Variants in MGAT4C observed in about 807,000 individuals in gnomAD.
MGAT4C encodes MGAT4 family member C.
A neutral mutation model predicts 40.1 loss-of-function variants in MGAT4C; 19 were observed. The ratio of observed to expected loss-of-function variants is 0.47; its 90% CI spans 0.33 to 0.70. MGAT4C has a LOEUF of 0.70. Ranked by LOEUF, MGAT4C falls within the 30% of genes least tolerant of loss-of-function variation. The pLI is 0.02. For missense variants in MGAT4C, 491 were observed against 563.2 expected, an observed-to-expected ratio of 0.87 and a Z score of 1.30; for synonymous variants, 181 against 187.1, an observed-to-expected ratio of 0.97 and a Z score of 0.27.
rs114159120 is a variant in MGAT4C, at chr12:86,294,385, C to T, written c.-57+39680G>A. On this transcript the variant is annotated intron_variant, in intron 4 of 7. Coordinates refer to the MGAT4C transcript ENST00000548651. Reference sequence around the variant, plus strand: ...CTCCTTTTTTTTTTTAATCTAAATCCTTGCTTTTATCACTCTTCTTATTCC... The same window carrying T: ...CTCCTTTTTTTTTTTAATCTAAATCTTTGCTTTTATCACTCTTCTTATTCC... Among the ~76,000 whole-genome samples the T allele has an allele frequency of 9.1e-3, 1,375 of 150,862 alleles. 12 individuals are homozygous for T. Among genetic ancestry groups the T allele is most frequent in the African/African-American group, 0.032 (1,320 of 41,046 alleles).
chr12:85,981,057 G>T (rs1351466432), intron 4 of MGAT4C, among the ~76,000 whole-genome samples: 1 of 151,908 alleles, frequency 6.6e-6, no homozygotes, highest in African/African-American at 2.4e-5. Context: ...ATATTAATTA[G>T]AAAGCAAACA....
At chr12:86,196,742 A>G (rs1245291714) in intron 1 of MGAT4C, among the ~76,000 whole-genome samples, 3 of 152,190 alleles carry the variant, frequency 2.0e-5, no homozygotes, top group African/African-American at 7.2e-5. Flanking sequence ...CTCAGCAGAG[A>G]TGGCTGATTA....
intron 1 of MGAT4C, among the ~76,000 whole-genome samples, chr12:86,245,883 T>C (rs1002025303): frequency 2.0e-5 from 3 of 152,198 alleles, no homozygotes; most frequent in South Asian, 4.1e-4. Flanking sequence ...AAATCTATAA[T>C]CATCATAGAG....
At chr12:86,698,644 G>A (rs995919442) in intron 2 of MGAT4C, among the ~76,000 whole-genome samples, 1 of 151,978 alleles carries the variant, frequency 6.6e-6, no homozygotes, top group Non-Finnish European at 1.5e-5. Flanking sequence ...GCTGGAATAT[G>A]AAACTCATGT....
At chr12:86,662,147 T>G (rs1278290131) in intron 2 of MGAT4C, among the ~76,000 whole-genome samples, 1 of 152,104 alleles carries the variant, frequency 6.6e-6, no homozygotes, top group Non-Finnish European at 1.5e-5. Flanking sequence ...TACTAATACT[T>G]AGGCATTAAT....
chr12:86,208,697 G>A (rs1205602855), intron 1 of MGAT4C, among the ~76,000 whole-genome samples: 1 of 151,904 alleles, frequency 6.6e-6, no homozygotes, highest in Non-Finnish European at 1.5e-5. Context: ...ACTTTGCACA[G>A]TCCAATTTTT....
At chr12:86,378,387 G>A (rs73185476) in intron 3 of MGAT4C, among the ~76,000 whole-genome samples, 2,130 of 152,042 alleles carry the variant, frequency 0.014, 25 homozygotes, top group South Asian at 0.024. Flanking sequence ...GTGATTTTTC[G>A]TTTTTCCTTA....
intron 2 of MGAT4C, among the ~76,000 whole-genome samples, chr12:86,040,445 TC>T (rs1891689204): frequency 6.6e-6 from 1 of 152,154 alleles, no homozygotes; most frequent in African/African-American, 2.4e-5. Context: ...GAGGAGGGAA[TC>T]TGGAGAGGCA....
rs530219991 is a variant in MGAT4C, at chr12:86,100,569, T to C, written c.-56-50846A>G. 2.0e-5 allele frequency among the ~76,000 whole-genome samples: 3 copies of C among 151,682 alleles called. No homozygotes were observed. The East Asian group carries it at 5.8e-4, about 29-fold the overall frequency. On this transcript the variant is annotated intron_variant, in intron 1 of 4. Transcript: ENST00000611864. Reference sequence around the variant, plus strand: ...TGTTAATTAAAAAAATATAATGTTATGGAAATTACTTTGACATATACGATG... The same window carrying C: ...TGTTAATTAAAAAAATATAATGTTACGGAAATTACTTTGACATATACGATG...
chr12:86,336,420 G>T (rs1481478517), intron 3 of MGAT4C, among the ~76,000 whole-genome samples: 1 of 152,082 alleles, frequency 6.6e-6, no homozygotes, highest in Non-Finnish European at 1.5e-5. Context: ...CACATTCTCA[G>T]GTGTCTATTA....
At chr12:86,563,114 T>C (rs1360762015) in intron 2 of MGAT4C, among the ~76,000 whole-genome samples, 1 of 152,158 alleles carries the variant, frequency 6.6e-6, no homozygotes, top group African/African-American at 2.4e-5. Flanking sequence ...ACCAATACCT[T>C]GTGAAACAGA....
chr12:86,079,221 C>G (rs894086621), intron 1 of MGAT4C, among the ~76,000 whole-genome samples: 1 of 152,050 alleles, frequency 6.6e-6, no homozygotes, highest in Non-Finnish European at 1.5e-5. Flanking sequence ...AGATGTAGTA[C>G]TTAGTTAATA....
intron 2 of MGAT4C, among the ~76,000 whole-genome samples, chr12:86,025,938 A>G (rs1356073343): frequency 6.6e-6 from 1 of 151,744 alleles, no homozygotes; most frequent in African/African-American, 2.4e-5. Flanking sequence ...ATATACATAC[A>G]TATATGTTTT....
At chr12:86,761,473 G>T (rs755156360) in intron 1 of MGAT4C, among the ~76,000 whole-genome samples, 3 of 152,188 alleles carry the variant, frequency 2.0e-5, no homozygotes, top group Non-Finnish European at 2.9e-5. Context: ...AGGTATGGAT[G>T]TATTAATTTC....
At chr12:86,128,789 G>A (rs1156526338) in intron 1 of MGAT4C, among the ~76,000 whole-genome samples, 1 of 151,962 alleles carries the variant, frequency 6.6e-6, no homozygotes, top group East Asian at 1.9e-4. Flanking sequence ...TATATTTTTA[G>A]AATTTTTATA....
chr12:86,475,349 G>T lies in MGAT4C; in HGVS notation c.-228-40084C>A, dbSNP rs900554018. ...AAATGGTCACAAAGATAATTGCAGA[G>T]AATACTGGAAAAATAATTGACAAAA... On this transcript the variant is annotated intron_variant, in intron 2 of 7. Transcript: ENST00000548651. 3.1e-4 allele frequency among the ~76,000 whole-genome samples: 47 copies of T among 151,928 alleles called. 1 individual carries two copies. Among genetic ancestry groups the T allele is most frequent in the African/African-American group, 1.1e-3 (46 of 41,522 alleles).
chr12:86,168,494 T>G (rs181227972), intron 1 of MGAT4C, among the ~76,000 whole-genome samples: 46 of 152,158 alleles, frequency 3.0e-4, no homozygotes, highest in African/African-American at 1.0e-3. Flanking sequence ...AAAATGTCAG[T>G]GCCAAAGATA....
intron 4 of MGAT4C, among the ~76,000 whole-genome samples, chr12:86,266,201 T>C (rs927045978): frequency 4.6e-5 from 7 of 152,214 alleles, no homozygotes; most frequent in Non-Finnish European, 8.8e-5. Context: ...CAAGCGGGCA[T>C]TCTTGTCTTG....
intron 1 of MGAT4C, among the ~76,000 whole-genome samples, chr12:86,734,912 A>T (rs962486464): frequency 1.3e-5 from 2 of 152,072 alleles, no homozygotes; most frequent in African/African-American, 4.8e-5. Context: ...GTGAAATAAT[A>T]TACTGAGATT....
Sources: gnomAD v4.1 joint callset for allele counts (sites outside exome capture counted in the v4.1 genomes callset) on GRCh38, gnomAD v4.1.1 for gene constraint, MANE v1.5 for transcripts, NCBI Gene and HGNC (gene_info 2026-07-23, HGNC 2026-07-21) for gene names.